The following PARD3 variants were observed in gnomAD, a reference collection of about 807,000 sequenced individuals.
PARD3 encodes partitioning defective 3 homolog.
Under a neutral mutation model 155.4 loss-of-function variants are expected in PARD3, and 75 were observed. That is an observed-to-expected ratio of 0.48 (90% CI 0.40 to 0.58). The LOEUF is 0.58. PARD3 is among the 20% of genes least tolerant of loss of function. The probability of loss-of-function intolerance (pLI) is 0.00; values close to 1 mark genes in which losing one functional copy is unlikely to be tolerated. For synonymous variants in PARD3, 576 were observed against 610.5 expected (o/e 0.94, Z 0.83); for missense variants, 1,642 against 1,721.7 (o/e 0.95, Z 0.82).
At chr10:34,710,324 A>C (rs2094432311) in intron 1 of PARD3, among the ~76,000 whole-genome samples, 1 of 152,216 alleles carries the variant, frequency 6.6e-6, no homozygotes, top group African/African-American at 2.4e-5. Flanking sequence ...GCTATGCACA[A>C]CTGGCAGTGC....
chr10:34,452,544 C>T (rs778930928), intron 4 of PARD3, among the ~76,000 whole-genome samples: 12 of 152,180 alleles, frequency 7.9e-5, no homozygotes, highest in Admixed American at 6.5e-5. Flanking sequence ...ACACAACTCT[C>T]ACCTTTTGGT....
intron 1 of PARD3, among the ~76,000 whole-genome samples, chr10:34,760,443 T>G (rs1837306839): frequency 6.6e-6 from 1 of 152,208 alleles, no homozygotes; most frequent in Non-Finnish European, 1.5e-5. Flanking sequence ...GTGATTCTTG[T>G]GCCTCAGCTT....
intron 1 of PARD3, among the ~76,000 whole-genome samples, chr10:34,810,885 C>A (rs1022793452): frequency 6.6e-6 from 1 of 152,064 alleles, no homozygotes; most frequent in Non-Finnish European, 1.5e-5. Flanking sequence ...GGTTGGTGTA[C>A]CCAAGGTTAA....
chr10:34,372,087 A>G (rs10827357), intron 12 of PARD3, among the ~76,000 whole-genome samples: 35,854 of 152,002 alleles, frequency 0.24, 5,290 homozygotes, highest in South Asian at 0.49. Context: ...TTTCCTGTGT[A>G]TACTTTTTTT....
At chr10:34,181,007 G>A (rs996080619) in intron 22 of PARD3, among the ~76,000 whole-genome samples, 45 of 152,162 alleles carry the variant, frequency 3.0e-4, no homozygotes, top group Non-Finnish European at 4.1e-4. Flanking sequence ...CTTATGACTA[G>A]CTGTGTGTCC....
intron 1 of PARD3, among the ~76,000 whole-genome samples, chr10:34,780,309 G>C (rs542821811): frequency 6.6e-6 from 1 of 152,314 alleles, no homozygotes; most frequent in East Asian, 1.9e-4. Flanking sequence ...CCAAGTACTG[G>C]TTTACGGCAG....
At chr10:34,397,069 G>A (rs915697038) in intron 7 of PARD3, among the ~76,000 whole-genome samples, 5 of 152,238 alleles carry the variant, frequency 3.3e-5, no homozygotes, top group South Asian at 2.1e-4. Flanking sequence ...AACATATTCC[G>A]TTCATCTTTG....
At chr10:34,570,268 G>T (rs1447812495) in intron 2 of PARD3, among the ~76,000 whole-genome samples, 3 of 152,138 alleles carry the variant, frequency 2.0e-5, no homozygotes, top group Non-Finnish European at 4.4e-5. Flanking sequence ...ACTTCTGAAG[G>T]TTGGGGTACC....
chr10:34,489,917 C>T lies in PARD3; in HGVS notation c.404-19654G>A, dbSNP rs978666812. Among the ~76,000 whole-genome samples, 4 of 152,086 alleles carry T rather than the reference C, an allele frequency of 2.6e-5. No homozygotes were observed. The East Asian group carries it at 5.8e-4, about 22-fold the overall frequency. On this transcript the variant is annotated intron_variant, in intron 3 of 24. Coordinates refer to ENST00000374788, the MANE Select transcript of PARD3 (RefSeq NM_001184785.2). ...TTACAGGTATGAAGACTTGGTGTTA[C>T]AGAGATAAGATATCCTGGCAAAAGT...
At chr10:34,462,772 G>C (rs2077732755) in intron 4 of PARD3, among the ~76,000 whole-genome samples, 1 of 151,570 alleles carries the variant, frequency 6.6e-6, no homozygotes, top group South Asian at 2.1e-4. Context: ...CCATAAAGTT[G>C]AAACTGCAGT....
At chr10:34,560,827 G>C (rs907378301) in intron 2 of PARD3, among the ~76,000 whole-genome samples, 1 of 152,156 alleles carries the variant, frequency 6.6e-6, no homozygotes, top group African/African-American at 2.4e-5. Flanking sequence ...AGGTGCAAAG[G>C]ATAGCTAGGG....
chr10:34,385,517 C>T (rs544854425), intron 7 of PARD3, among the ~76,000 whole-genome samples: 3 of 152,124 alleles, frequency 2.0e-5, no homozygotes, highest in Admixed American at 6.5e-5. Context: ...TTTGTATTTT[C>T]TTTCATAATC....
chr10:34,575,544 C>T (rs1165454163), intron 2 of PARD3, among the ~76,000 whole-genome samples: 1 of 152,138 alleles, frequency 6.6e-6, no homozygotes, highest in Non-Finnish European at 1.5e-5. Flanking sequence ...GACACATGAA[C>T]TCATATTTCA....
intron 7 of PARD3, among the ~76,000 whole-genome samples, chr10:34,386,158 G>A (rs555698438): frequency 9.4e-4 from 143 of 152,264 alleles, no homozygotes; most frequent in Non-Finnish European, 1.1e-3. Flanking sequence ...ATACTAGAGT[G>A]AAGCCTATCA....
chr10:34,219,802 C>T (rs960765415), intron 22 of PARD3, among the ~76,000 whole-genome samples: 10 of 152,168 alleles, frequency 6.6e-5, no homozygotes. Context: ...CTGGTACTAA[C>T]TAAAATGCTA....
At chr10:34,419,255 T>A (rs954451024) in intron 5 of PARD3, among the ~76,000 whole-genome samples, 7 of 152,084 alleles carry the variant, frequency 4.6e-5, no homozygotes, top group Non-Finnish European at 8.8e-5. Context: ...CGGTGGCTCA[T>A]GCCTGTAATC....
intron 1 of PARD3, among the ~76,000 whole-genome samples, chr10:34,706,173 T>C (rs942681111): frequency 2.0e-5 from 3 of 152,192 alleles, no homozygotes. Flanking sequence ...TTTTAAAAAA[T>C]GCATTCATGT....
chr10:34,697,056 C>A (rs7904305), intron 1 of PARD3, among the ~76,000 whole-genome samples: 88,932 of 147,840 alleles, frequency 0.6, 26,889 homozygotes, highest in Non-Finnish European at 0.65. Flanking sequence ...ACACACACAC[C>A]CCCCTCAAAA....
chr10:34,664,972 T>A (rs150741122), intron 2 of PARD3, among the ~76,000 whole-genome samples: 2 of 151,116 alleles, frequency 1.3e-5, no homozygotes, highest in African/African-American at 4.9e-5. Flanking sequence ...CTGGTGTGCA[T>A]GTGTGTGGTG....
Sources: gnomAD v4.1 joint callset for allele counts (sites outside exome capture counted in the v4.1 genomes callset) on GRCh38, gnomAD v4.1.1 for gene constraint, MANE v1.5 for transcripts, NCBI Gene and HGNC (gene_info 2026-07-23, HGNC 2026-07-21) for gene names.